Variants in NEDD9 observed in about 807,000 individuals in gnomAD.
The protein encoded by NEDD9 is enhancer of filamentation 1.
NEDD9 carries 26 observed loss-of-function variants against 76.6 expected under a neutral mutation model. The observed-to-expected ratio is 0.34, with a 90% confidence interval of 0.25 to 0.47. The LOEUF (loss-of-function observed/expected upper bound fraction) is 0.47, where lower values mean the gene tolerates loss of function less well. Among genes scored for constraint, NEDD9 ranks in the 20% least tolerant of loss-of-function variants. The pLI, the probability that NEDD9 is intolerant of heterozygous loss-of-function variation, is 1.00. For missense variants in NEDD9, 937 were observed against 1,058.5 expected (o/e 0.89, Z 1.59); for synonymous variants, 392 against 414.2 (o/e 0.95, Z 0.65).
At chr6:11,311,074 C>A (rs1425799554) in intron 2 of NEDD9, among the ~76,000 whole-genome samples, 1 of 152,120 alleles carries the variant, frequency 6.6e-6, no homozygotes, top group African/African-American at 2.4e-5. Context: ...CAGCAGTCAC[C>A]CCTTTCCTTT....
At chr6:11,243,492 A>AT (rs1759747623) in intron 3 of NEDD9, among the ~76,000 whole-genome samples, 1 of 152,132 alleles carries the variant, frequency 6.6e-6, no homozygotes, top group South Asian at 2.1e-4. Context: ...TGCAGAACAC[A>AT]TTTTGAGGAG....
At chr6:11,232,290 T>C (rs1342484747) in intron 1 of NEDD9, among the ~76,000 whole-genome samples, 4 of 152,174 alleles carry the variant, frequency 2.6e-5, no homozygotes, top group African/African-American at 7.2e-5. Context: ...TCAGAGCAGA[T>C]GGACTCGGGT....
chr6:11,219,542 C>G (rs1243596373), intron 1 of NEDD9, among the ~76,000 whole-genome samples: 2 of 152,224 alleles, frequency 1.3e-5, no homozygotes, highest in African/African-American at 4.8e-5. Context: ...GGTTTGCATG[C>G]CTGCATGCGC....
intron 2 of NEDD9, among the ~76,000 whole-genome samples, chr6:11,314,994 C>T (rs955002981): frequency 2.6e-5 from 4 of 152,314 alleles, no homozygotes; most frequent in Non-Finnish European, 4.4e-5. Flanking sequence ...GTTAGCTTGT[C>T]GCCAAATGAG....
At chr6:11,187,794 A>G (rs1427822989) in intron 6 of NEDD9, among the ~76,000 whole-genome samples, 3 of 152,240 alleles carry the variant, frequency 2.0e-5, no homozygotes, top group Non-Finnish European at 4.4e-5. Context: ...AGAAAGAAGC[A>G]AAGGAACTAC....
chr6:11,264,372 C>T (rs1377165941), intron 3 of NEDD9, among the ~76,000 whole-genome samples: 3 of 152,078 alleles, frequency 2.0e-5, no homozygotes, highest in Non-Finnish European at 4.4e-5. Flanking sequence ...GCTCATAGGT[C>T]ACTGCTTGGG....
At chr6:11,307,766 C>T (rs572436236) in intron 2 of NEDD9, among the ~76,000 whole-genome samples, 91 of 152,292 alleles carry the variant, frequency 6.0e-4, no homozygotes, top group Middle Eastern at 3.4e-3. Flanking sequence ...CAGGTCAAGA[C>T]ATAGAGTACT....
At chr6:11,368,893 G>A (rs954901364) in intron 1 of NEDD9, among the ~76,000 whole-genome samples, 1 of 152,076 alleles carries the variant, frequency 6.6e-6, no homozygotes, top group East Asian at 1.9e-4. Context: ...AGCACTTAAT[G>A]TGTCAGATAC....
At chr6:11,305,029 C>T in intron 3 of NEDD9, 3 of 1,213,300 alleles carry the variant, frequency 2.5e-6, no homozygotes, top group Non-Finnish European at 3.2e-6. Context: ...TGTTACTTAT[C>T]AAATTATTTA....
At chr6:11,377,165 T>C (rs554326254) in intron 1 of NEDD9, among the ~76,000 whole-genome samples, 1 of 152,160 alleles carries the variant, frequency 6.6e-6, no homozygotes, top group Non-Finnish European at 1.5e-5. Flanking sequence ...AAAACTCTAC[T>C]AGGAAAATGC....
intron 1 of NEDD9, among the ~76,000 whole-genome samples, chr6:11,369,375 G>A (rs927983956): frequency 6.6e-6 from 1 of 152,098 alleles, no homozygotes; most frequent in African/African-American, 2.4e-5. Flanking sequence ...TAAGCCTGAC[G>A]AGGGGAGAAG....
intron 3 of NEDD9, among the ~76,000 whole-genome samples, chr6:11,249,814 A>T (rs1234961833): frequency 6.6e-6 from 1 of 152,126 alleles, no homozygotes; most frequent in Non-Finnish European, 1.5e-5. Flanking sequence ...AATAGAGTGC[A>T]TTTCCCTCTT....
chr6:11,185,104 G>T lies in NEDD9; in HGVS notation c.*58C>A. 1 of 1,518,036 alleles carries T rather than the reference G, an allele frequency of 6.6e-7. No individual in the cohort carries two copies. The highest frequency in any genetic ancestry group is 2.1e-5 in the Admixed American group (1 of 48,016). 94.0% of individuals were successfully genotyped at this position (1,518,036 alleles called of 1,614,324 possible). ...AGATAACATTTACAAAAACCAGACA[G>T]TATTTCCAGTTTTCCTTAGTAACCG... On this transcript the variant is annotated 3_prime_UTR_variant, in exon 7 of 7. Coordinates refer to ENST00000379446, the MANE Select transcript of NEDD9 (RefSeq NM_006403.4).
At chr6:11,299,645 C>T (rs931010103) in intron 3 of NEDD9, among the ~76,000 whole-genome samples, 2 of 152,162 alleles carry the variant, frequency 1.3e-5, no homozygotes, top group African/African-American at 2.4e-5. Flanking sequence ...CCCCCTGGGA[C>T]GAAGCTTCCA....
intron 1 of NEDD9, among the ~76,000 whole-genome samples, chr6:11,215,813 A>G (rs1227371409): frequency 1.3e-5 from 2 of 152,178 alleles, no homozygotes; most frequent in Non-Finnish European, 2.9e-5. Flanking sequence ...CAAAGAAGGG[A>G]AAGAAGAGAA....
At chr6:11,359,857 C>T (rs1561847181) in intron 1 of NEDD9, among the ~76,000 whole-genome samples, 1 of 152,282 alleles carries the variant, frequency 6.6e-6, no homozygotes, top group South Asian at 2.1e-4. Flanking sequence ...GATAGCAAGT[C>T]GTTTGAGACC....
At chr6:11,306,024 A>G (rs1438051943) in exon 3 of NEDD9, 2 of 1,613,854 alleles carry the variant, frequency 1.2e-6, no homozygotes, top group African/African-American at 2.7e-5. Flanking sequence ...GGAATGATGC[A>G]GCTCTGGATG....
chr6:11,267,587 T>C (rs1004701959), intron 3 of NEDD9, among the ~76,000 whole-genome samples: 6 of 152,172 alleles, frequency 3.9e-5, no homozygotes, highest in Admixed American at 1.3e-4. Context: ...TAAATACATA[T>C]GCTGATTGCT....
intron 2 of NEDD9, among the ~76,000 whole-genome samples, chr6:11,312,694 A>T (rs200252742): frequency 3.9e-3 from 279 of 71,282 alleles, no homozygotes; most frequent in East Asian, 0.015. Context: ...TATATATATT[A>T]TATATATATA....
Sources: allele counts gnomAD v4.1 joint callset (sites outside exome capture counted in the v4.1 genomes callset), GRCh38; gene constraint gnomAD v4.1.1; transcripts MANE v1.5; gene names NCBI Gene and HGNC (gene_info 2026-07-23, HGNC 2026-07-21).